CSNK2A2IP: variants seen among roughly 807,000 people sequenced by gnomAD.
CSNK2A2IP encodes casein kinase 2 subunit alpha' interacting protein.
At chr3:88,407,787 G>A in the CSNK2A2IP span, among the ~76,000 whole-genome samples, 2 of 151,904 alleles carry the variant, frequency 1.3e-5, no homozygotes, top group Non-Finnish European at 1.5e-5. Context: ...GCAGTGGCGC[G>A]ATCTCGGCTC....
chr3:88,344,166 C>A, the CSNK2A2IP span, among the ~76,000 whole-genome samples: 2 of 151,904 alleles, frequency 1.3e-5, no homozygotes, highest in African/African-American at 4.8e-5. Flanking sequence ...AACAGAGTAG[C>A]AAGCTGTTAA....
the CSNK2A2IP span, among the ~76,000 whole-genome samples, chr3:88,353,917 A>G: frequency 0.44 from 66,647 of 151,992 alleles, 15,862 homozygotes; most frequent in South Asian, 0.62. Flanking sequence ...TTAAAATTTG[A>G]TCCCCAGTGT....
the CSNK2A2IP span, among the ~76,000 whole-genome samples, chr3:88,434,198 T>C: frequency 6.6e-6 from 1 of 152,054 alleles, no homozygotes; most frequent in Non-Finnish European, 1.5e-5. Flanking sequence ...CAAGAAGTAT[T>C]CGAGTGCACT....
chr3:88,463,168 A>G, the CSNK2A2IP span, among the ~76,000 whole-genome samples: 4 of 152,200 alleles, frequency 2.6e-5, no homozygotes, highest in Admixed American at 6.5e-5. Flanking sequence ...GGAAACACAG[A>G]AAGAGTCATG....
the CSNK2A2IP span, among the ~76,000 whole-genome samples, chr3:88,446,091 TTTCTTTCTTTTTTTC>T: frequency 7.5e-6 from 1 of 134,132 alleles, no homozygotes; most frequent in African/African-American, 2.8e-5. Context: ...TCTTTCTTTC[TTTCTTTCTTTTTTTC>T]TTTCTTTCTT....
chr3:88,453,050 G>T, the CSNK2A2IP span, among the ~76,000 whole-genome samples: 5 of 152,018 alleles, frequency 3.3e-5, no homozygotes, highest in African/African-American at 1.2e-4. Flanking sequence ...AGCTTGACGA[G>T]GCAGAAATTT....
At chr3:88,455,654 C>T in the CSNK2A2IP span, among the ~76,000 whole-genome samples, 2 of 151,676 alleles carry the variant, frequency 1.3e-5, no homozygotes, top group South Asian at 2.1e-4. Context: ...TGTGAGCTAC[C>T]TTTTCATTTT....
chr3:88,410,129 G>T, the CSNK2A2IP span, among the ~76,000 whole-genome samples: 161 of 151,976 alleles, frequency 1.1e-3, 1 homozygote, highest in South Asian at 8.5e-3. Flanking sequence ...ACATATGGGG[G>T]TTTCATTTTA....
At chr3:88,388,942 C>T in the CSNK2A2IP span, among the ~76,000 whole-genome samples, 1 of 150,214 alleles carries the variant, frequency 6.7e-6, no homozygotes, top group Non-Finnish European at 1.5e-5. Flanking sequence ...TATCTATTGT[C>T]TCCTTTGTGC....
the CSNK2A2IP span, among the ~76,000 whole-genome samples, chr3:88,430,524 A>G: frequency 1.3e-5 from 2 of 152,150 alleles, no homozygotes; most frequent in African/African-American, 4.8e-5. Flanking sequence ...CATCCATAGG[A>G]TAAATTGATC....
the CSNK2A2IP span, among the ~76,000 whole-genome samples, chr3:88,358,952 T>C: frequency 6.6e-6 from 1 of 151,492 alleles, no homozygotes; most frequent in Non-Finnish European, 1.5e-5. Flanking sequence ...AGTGAGGCTA[T>C]CGGCTCCTGG....
chr3:88,404,172 G>A, the CSNK2A2IP span, among the ~76,000 whole-genome samples: 3 of 152,088 alleles, frequency 2.0e-5, no homozygotes, highest in African/African-American at 7.2e-5. Flanking sequence ...ATAGTTTTGG[G>A]GAAGAAGCCC....
At chr3:88,366,050 T>C in the CSNK2A2IP span, among the ~76,000 whole-genome samples, 1 of 152,110 alleles carries the variant, frequency 6.6e-6, no homozygotes, top group Non-Finnish European at 1.5e-5. Context: ...AACGAGATTA[T>C]AATGTGAAAA....
At chr3:88,419,839 A>G in the CSNK2A2IP span, among the ~76,000 whole-genome samples, 3 of 152,188 alleles carry the variant, frequency 2.0e-5, no homozygotes, top group Non-Finnish European at 4.4e-5. Flanking sequence ...AACATTATAA[A>G]AAACCGTTTG....
the CSNK2A2IP span, among the ~76,000 whole-genome samples, chr3:88,395,651 T>C: frequency 1.3e-5 from 2 of 152,350 alleles, no homozygotes; most frequent in South Asian, 4.1e-4. Context: ...AAAAGCTTGC[T>C]GGAATTGTAA....
the CSNK2A2IP span, among the ~76,000 whole-genome samples, chr3:88,359,712 T>C: frequency 6.6e-6 from 1 of 152,344 alleles, no homozygotes; most frequent in East Asian, 1.9e-4. Flanking sequence ...TTTTGTTCCA[T>C]TGTGATCAGA....
At chr3:88,440,283 A>AT in the CSNK2A2IP span, among the ~76,000 whole-genome samples, 2 of 152,206 alleles carry the variant, frequency 1.3e-5, no homozygotes, top group Admixed American at 1.3e-4. Context: ...ATTTAGAACT[A>AT]TTTTTTGGAG....
the CSNK2A2IP span, among the ~76,000 whole-genome samples, chr3:88,441,740 C>A: frequency 6.6e-6 from 1 of 152,066 alleles, no homozygotes; most frequent in African/African-American, 2.4e-5. Context: ...GATGTAAAGT[C>A]TTCCTTTTTT....
the CSNK2A2IP span, among the ~76,000 whole-genome samples, chr3:88,345,970 G>A: frequency 6.6e-6 from 1 of 151,400 alleles, no homozygotes; most frequent in African/African-American, 2.4e-5. Context: ...TTCTTGAAGG[G>A]AATTAAAAGT....
Sources: allele counts gnomAD v4.1 joint callset (sites outside exome capture counted in the v4.1 genomes callset), GRCh38; gene constraint gnomAD v4.1.1; transcripts MANE v1.5; gene names NCBI Gene and HGNC (gene_info 2026-07-23, HGNC 2026-07-21).